The following ANTXR2 variants were observed in gnomAD, a reference collection of about 807,000 sequenced individuals.
The protein encoded by ANTXR2 is anthrax toxin receptor 2.
Under a neutral mutation model 73.7 loss-of-function variants are expected in ANTXR2, and 44 were observed. The observed-to-expected ratio is 0.60, with a 90% CI of 0.47 to 0.77. The LOEUF is 0.77. Among genes scored for constraint, ANTXR2 ranks in the 30% least tolerant of loss-of-function variants. The probability of loss-of-function intolerance (pLI) is 0.00; values close to 1 mark genes in which losing one functional copy is unlikely to be tolerated. For synonymous variants in ANTXR2, 217 were observed against 205.9 expected, an observed-to-expected ratio of 1.05 and a Z score of -0.46; for missense variants, 604 against 592.5, an observed-to-expected ratio of 1.02 and a Z score of -0.20.
At chr4:79,910,799 A>T (rs189279455) in intron 16 of ANTXR2, among the ~76,000 whole-genome samples, 84 of 152,272 alleles carry the variant, frequency 5.5e-4, no homozygotes, top group African/African-American at 1.8e-3. Context: ...AGTGGAAAGG[A>T]GAGAAGAAAA....
At chr4:79,958,527 A>G (rs1441902617) in intron 16 of ANTXR2, among the ~76,000 whole-genome samples, 1 of 152,058 alleles carries the variant, frequency 6.6e-6, no homozygotes, top group Non-Finnish European at 1.5e-5. Context: ...ACTTCCTCAC[A>G]TCTTTTCAAT....
chr4:80,031,335 G>A (rs1732685343), intron 10 of ANTXR2, among the ~76,000 whole-genome samples: 1 of 151,810 alleles, frequency 6.6e-6, no homozygotes, highest in African/African-American at 2.4e-5. Flanking sequence ...ATTATTTATA[G>A]ATTCTAATAA....
chr4:79,976,510 AC>A (rs1729644379), intron 16 of ANTXR2, among the ~76,000 whole-genome samples: 1 of 152,164 alleles, frequency 6.6e-6, no homozygotes, highest in Non-Finnish European at 1.5e-5. Context: ...TGACCCGATG[AC>A]CCGGAAGTTG....
chr4:79,964,522 C>T (rs1578116372), intron 16 of ANTXR2: 1 of 152,468 alleles, frequency 6.6e-6, no homozygotes, highest in Non-Finnish European at 1.5e-5. Context: ...GGAAACTTGG[C>T]GGCAGATGTT....
chr4:79,971,659 G>A (rs1446073039), intron 16 of ANTXR2, among the ~76,000 whole-genome samples: 3 of 24,948 alleles, frequency 1.2e-4, no homozygotes, highest in Non-Finnish European at 2.2e-4. Flanking sequence ...AGAAAAACAA[G>A]CAATGGGGAA....
intron 16 of ANTXR2, 129 bp downstream of exon 16, chr4:79,977,484 ATAGAAATC>A: frequency 6.9e-7 from 1 of 1,454,024 alleles, no homozygotes; most frequent in Non-Finnish European, 9.1e-7. Flanking sequence ...ATTCTATGTA[ATAGAAATC>A]TACACTTGAC....
chr4:80,036,231 A>G (rs1732951661), intron 7 of ANTXR2, among the ~76,000 whole-genome samples, 199 bp from the exon 8 acceptor site: 1 of 152,114 alleles, frequency 6.6e-6, no homozygotes, highest in Non-Finnish European at 1.5e-5. Flanking sequence ...TTTTAAGATT[A>G]TGTACTGTAG....
At chr4:80,008,991 C>T (rs768268397) in intron 11 of ANTXR2, among the ~76,000 whole-genome samples, 71 of 152,008 alleles carry the variant, frequency 4.7e-4, no homozygotes, top group Middle Eastern at 3.2e-3. Flanking sequence ...TAGGCAGAAT[C>T]CTGCAGACTT....
intron 16 of ANTXR2, among the ~76,000 whole-genome samples, chr4:79,929,251 A>AC (rs1046341615): frequency 6.6e-6 from 1 of 152,164 alleles, no homozygotes; most frequent in African/African-American, 2.4e-5. Flanking sequence ...GCAGTGGCTC[A>AC]CCCCTGTAAT....
intron 16 of ANTXR2, among the ~76,000 whole-genome samples, chr4:79,916,525 A>G (rs963265734): frequency 6.6e-6 from 1 of 152,162 alleles, no homozygotes; most frequent in Non-Finnish European, 1.5e-5. Flanking sequence ...AGATCATTTC[A>G]TAGATCTTAA....
At chr4:79,984,731 C>A (rs1374457975) in intron 13 of ANTXR2, 88 bp downstream of exon 13, 1 of 1,147,788 alleles carries the variant, frequency 8.7e-7, no homozygotes. Flanking sequence ...TCATAGTTAT[C>A]TAACAGACAA....
intron 11 of ANTXR2, among the ~76,000 whole-genome samples, chr4:80,012,876 T>C (rs916352329): frequency 1.3e-5 from 2 of 152,344 alleles, no homozygotes; most frequent in South Asian, 4.1e-4. Flanking sequence ...GCACTGAATG[T>C]TGGAGGTATC....
chr4:79,919,734 C>T lies in ANTXR2; in HGVS notation c.1429-12267G>A, dbSNP rs182335848. ...GGGACTTGGGCTGGCTTCTTCGCTCCTCAGTTTGCAGATGGCCTATTGTGG... is the reference window on the plus strand; with the variant it reads ...GGGACTTGGGCTGGCTTCTTCGCTCTTCAGTTTGCAGATGGCCTATTGTGG... On this transcript the variant is annotated intron_variant, in intron 16 of 16. Transcript: ENST00000403729. 3.6e-4 allele frequency among the ~76,000 whole-genome samples: 54 copies of T among 151,692 alleles called. 1 individual carries two copies. The highest frequency in any genetic ancestry group is 7.4e-5 in the Non-Finnish European group (5 of 67,922).
rs914400651 is a variant in ANTXR2, at chr4:80,032,189, T to G, written c.797-497A>C. 3.3e-5 allele frequency among the ~76,000 whole-genome samples: 5 copies of G among 151,834 alleles called. No homozygotes were observed. The East Asian group carries it at 7.7e-4, about 23-fold the overall frequency. ...CTTTAATAAAATATGAAAAAAATGA[T>G]TTAGACTAAAATATGCAGAAAAGTT... On this transcript the variant is annotated intron_variant, in intron 9 of 16. Coordinates refer to ENST00000403729, the MANE Select transcript of ANTXR2 (RefSeq NM_058172.6).
At chr4:80,021,002 AGC>A (rs1166155273) in intron 10 of ANTXR2, among the ~76,000 whole-genome samples, 2 of 152,058 alleles carry the variant, frequency 1.3e-5, no homozygotes, top group East Asian at 3.9e-4. Context: ...CAAAAAAATT[AGC>A]CGGGCATGGT....
chr4:80,031,761 G>A, intron 9 of ANTXR2, 69 bp from the exon 10 acceptor site: 1 of 892,858 alleles, frequency 1.1e-6, no homozygotes. Context: ...TTAATAATAT[G>A]AACAGCATGC....
rs369807756 is a variant in ANTXR2 at position 79,903,699 on chromosome 4, G to A, written c.*3730C>T. On this transcript the variant is annotated 3_prime_UTR_variant, in exon 17 of 17. Transcript: ENST00000403729. ...AATCTAACTCTAAACTAGAATATGC[G>A]TCTGCACTGACTTTATTTCCTACAA... 15 of 152,190 alleles carry A rather than the reference G, an allele frequency of 9.9e-5. No individual in the cohort carries two copies. The South Asian group carries it at 1.2e-3, about 13-fold the overall frequency. 9.4% of individuals were successfully genotyped at this position (152,190 alleles called of 1,614,324 possible). A position where few individuals can be genotyped will look rare whatever the true frequency, so the allele number is the denominator to read the frequency against.
chr4:79,903,797 CTA>C lies in ANTXR2; in HGVS notation c.*3630_*3631del, dbSNP rs1164300132. 6.6e-6 allele frequency: 1 copy of C among 152,098 alleles called. No homozygotes were observed. The highest frequency in any genetic ancestry group is 2.4e-5 in the African/African-American group (1 of 41,426). 9.4% of individuals were successfully genotyped at this position (152,098 alleles called of 1,614,324 possible). On this transcript the variant is annotated 3_prime_UTR_variant, in exon 17 of 17. Coordinates refer to ENST00000403729, the MANE Select transcript of ANTXR2 (RefSeq NM_058172.6). ...TGTAACAGATGTACCAAGAGTTATT[CTA>C]TGTTTCTAGATTATGTATTTCCTTT... is the stretch of plus-strand genomic sequence containing the variant.
chr4:79,944,700 T>C (rs1326675793), intron 16 of ANTXR2, among the ~76,000 whole-genome samples: 3 of 152,148 alleles, frequency 2.0e-5, no homozygotes, highest in Non-Finnish European at 4.4e-5. Flanking sequence ...TGGTACAACA[T>C]GCTTTGTGCT....
Sources: gnomAD v4.1 joint callset for allele counts (sites outside exome capture counted in the v4.1 genomes callset) on GRCh38, gnomAD v4.1.1 for gene constraint, MANE v1.5 for transcripts, NCBI Gene and HGNC (gene_info 2026-07-23, HGNC 2026-07-21) for gene names.